ZFR2: variants seen among roughly 807,000 people sequenced by gnomAD.
ZFR2 encodes the protein zinc finger RNA-binding protein 2.
In ZFR2, 104 loss-of-function variants were observed where a neutral mutation model predicts 105.7. The ratio of observed to expected loss-of-function variants is 0.98; its 90% CI spans 0.84 to 1.16. The LOEUF is 1.16. Ranked by LOEUF, ZFR2 falls within the 50% of genes most tolerant of loss-of-function variation. ZFR2 has a pLI of 0.00. For missense variants in ZFR2, 1,425 were observed against 1,355.5 expected, an observed-to-expected ratio of 1.05 and a Z score of -0.80; for synonymous variants, 634 against 597.7, an observed-to-expected ratio of 1.06 and a Z score of -0.89.
chr19:3,829,483 TTG>T, intron 5 of ZFR2, among the ~76,000 whole-genome samples: 1 of 150,604 alleles, frequency 6.6e-6, no homozygotes, highest in African/African-American at 2.4e-5. Context: ...TGTGTGTGTT[TTG>T]TTGTTGTTGT....
intron 1 of ZFR2, among the ~76,000 whole-genome samples, chr19:3,850,317 G>C (rs971714324): frequency 1.3e-5 from 2 of 152,090 alleles, no homozygotes; most frequent in Admixed American, 6.6e-5. Context: ...GGGTGCTGAG[G>C]GACAGAGGTT....
intron 16 of ZFR2, among the ~76,000 whole-genome samples, chr19:3,809,930 G>A (rs887560899): frequency 6.6e-6 from 1 of 152,192 alleles, no homozygotes; most frequent in Non-Finnish European, 1.5e-5. Flanking sequence ...GGCAACAAGA[G>A]CGAGACTCCA....
chr19:3,808,411 G>A (rs1268278680), intron 17 of ZFR2, among the ~76,000 whole-genome samples: 1 of 152,252 alleles, frequency 6.6e-6, no homozygotes, highest in Non-Finnish European at 1.5e-5. Context: ...CCTCTCACAT[G>A]TGTGTCCTGG....
At chr19:3,859,585 G>A (rs12610005) in intron 1 of ZFR2, among the ~76,000 whole-genome samples, 22,667 of 152,244 alleles carry the variant, frequency 0.15, 2,058 homozygotes, top group East Asian at 0.27. Flanking sequence ...ACCTTGGCGC[G>A]GTGGGTCTGC....
chr19:3,849,391 C>T (rs1395820336), intron 1 of ZFR2, among the ~76,000 whole-genome samples: 1 of 152,184 alleles, frequency 6.6e-6, no homozygotes, highest in Admixed American at 6.5e-5. Context: ...TCAGACAGCC[C>T]ATGCAGCAGA....
chr19:3,830,008 T>C (rs1465744315), intron 5 of ZFR2, among the ~76,000 whole-genome samples: 3 of 152,100 alleles, frequency 2.0e-5, no homozygotes, highest in Non-Finnish European at 2.9e-5. Flanking sequence ...AAGGATTAAA[T>C]AACCCACACG....
At chr19:3,851,113 G>A (rs2038233545) in intron 1 of ZFR2, among the ~76,000 whole-genome samples, 1 of 152,102 alleles carries the variant, frequency 6.6e-6, no homozygotes, top group South Asian at 2.1e-4. Flanking sequence ...GGTATTGTTA[G>A]GGAAGCCCCA....
Position 3,813,726 on chromosome 19 carries a change from G to C in ZFR2, c.2242+94C>G, listed in dbSNP as rs2037795869. 6.5e-7 allele frequency: 1 copy of C among 1,543,848 alleles called. No homozygotes were observed. The highest frequency in any genetic ancestry group is 8.8e-7 in the Non-Finnish European group (1 of 1,137,432). On this transcript the variant is annotated intron_variant, in intron 14 of 18. Transcript: ENST00000262961. This position sits in a 1 kb window ranked among gnomAD's most constrained non-coding sequence, Gnocchi z 4.4. Reference sequence around the variant, plus strand: ...TGGCTGCTGTGGCATTTCCTGCTCAGGGCAGAGGCGGACGCTGCCCCAGGC... The same window carrying C: ...TGGCTGCTGTGGCATTTCCTGCTCACGGCAGAGGCGGACGCTGCCCCAGGC...
intron 6 of ZFR2, among the ~76,000 whole-genome samples, chr19:3,827,153 A>G (rs2037959328): frequency 2.6e-5 from 4 of 152,242 alleles, no homozygotes; most frequent in Admixed American, 1.3e-4. Context: ...GAGGCATGAG[A>G]ATTGCTTGAA....
rs2037917914 is a variant in ZFR2, at chr19:3,823,538, G to T, written c.1214-135C>A. The T allele has an allele frequency of 1.1e-6, 1 of 918,876 alleles. No individual in the cohort carries two copies. The highest frequency in any genetic ancestry group is 1.6e-6 in the Non-Finnish European group (1 of 627,810). The allele number at this position is 918,876 out of a possible 1,614,324, so 56.9% of individuals were successfully genotyped here. Reference sequence around the variant, plus strand: ...ATCCCCCTCCCTCCTGTGATGTCAGGGGGAATGGCCCCGGACAGCAACCTC... The same window carrying T: ...ATCCCCCTCCCTCCTGTGATGTCAGTGGGAATGGCCCCGGACAGCAACCTC... On this transcript the variant is annotated intron_variant, in intron 7 of 18. Coordinates refer to ENST00000262961, the MANE Select transcript of ZFR2 (RefSeq NM_015174.2). This position sits in a 1 kb window ranked among gnomAD's most constrained non-coding sequence, Gnocchi z 5.4.
Position 3,831,739 on chromosome 19 carries a change from GC to G in ZFR2, c.518del (p.Gly173AlafsTer11). 1 of 1,605,444 alleles carries G rather than the reference GC, an allele frequency of 6.2e-7. No homozygotes were observed. Among genetic ancestry groups the G allele is most frequent in the African/African-American group, 1.3e-5 (1 of 74,910 alleles). The stretch of plus-strand genomic sequence containing the variant: ...TGGAAGCTGACGACTCGGGCTGGAC[GC>G]CTGTCGCCGTGGGGTAGGTGTATCC... ...SSGYTYPTAT[G>X]VQPESSASIV... On this transcript the variant is annotated frameshift_variant, in exon 4 of 19. Transcript: ENST00000262961. LOFTEE classifies it high-confidence loss of function.
chr19:3,855,986 C>T (rs2038295136), intron 1 of ZFR2, among the ~76,000 whole-genome samples: 1 of 152,240 alleles, frequency 6.6e-6, no homozygotes, highest in South Asian at 2.1e-4. Flanking sequence ...ACATGGGCTA[C>T]GTTGTGATGG....
chr19:3,818,445 A>G (rs1162057651), intron 12 of ZFR2, among the ~76,000 whole-genome samples: 1 of 152,180 alleles, frequency 6.6e-6, no homozygotes, highest in African/African-American at 2.4e-5. Context: ...CAGCCTGGGT[A>G]ACAGAGTGAG....
At chr19:3,822,722 G>T (rs1397699843) in intron 8 of ZFR2, among the ~76,000 whole-genome samples, 1 of 152,062 alleles carries the variant, frequency 6.6e-6, no homozygotes, top group African/African-American at 2.4e-5. Context: ...TCTCTTAAAA[G>T]AATCCCAGGC....
chr19:3,859,122 C>T (rs1055727498), intron 1 of ZFR2, among the ~76,000 whole-genome samples: 1 of 152,156 alleles, frequency 6.6e-6, no homozygotes, highest in African/African-American at 2.4e-5. Context: ...TAATCAGCTG[C>T]CAGCTCGGCC....
intron 1 of ZFR2, among the ~76,000 whole-genome samples, chr19:3,856,260 G>A (rs188666834): frequency 6.6e-6 from 1 of 152,156 alleles, no homozygotes; most frequent in Non-Finnish European, 1.5e-5. Context: ...CTTGGACTTG[G>A]ATATGATCAG....
intron 1 of ZFR2, among the ~76,000 whole-genome samples, chr19:3,851,592 G>GCT (rs1032276727): frequency 6.6e-6 from 1 of 152,230 alleles, no homozygotes; most frequent in Non-Finnish European, 1.5e-5. Flanking sequence ...CACTCTCAGG[G>GCT]GAGACCATGG....
rs941457646 is a variant in ZFR2, at chr19:3,858,893, AC to A, written c.53+10071del. Among the ~76,000 whole-genome samples the A allele has an allele frequency of 1.3e-5, 2 of 151,702 alleles. No homozygotes were observed. The highest frequency in any genetic ancestry group is 1.3e-4 in the Admixed American group (2 of 15,196). On this transcript the variant is annotated intron_variant, in intron 1 of 18. Transcript: ENST00000262961. This position sits in a 1 kb window ranked among gnomAD's most constrained non-coding sequence, Gnocchi z 4.3. ...ACAGCTCATCACCTATTTCTCTATC[AC>A]CCCCATGGCAGATGGAGATGAAGGC...
Position 3,869,005 on chromosome 19 carries a change from G to T in ZFR2, c.13C>A (p.Gln5Lys). 7.3e-7 allele frequency: 1 copy of T among 1,374,516 alleles called. No homozygotes were observed. The highest frequency in any genetic ancestry group is 9.5e-7 in the Non-Finnish European group (1 of 1,053,710). The allele number at this position is 1,374,516 out of a possible 1,614,324, so 85.1% of individuals were successfully genotyped here. MATS[Q>K]YFDFAQGGGP... ...CCGCCCTGCGCGAAGTCGAAATACTGACTCGTCGCCATCTTGGCGTCTTCC... is the reference window on the plus strand; with the variant it reads ...CCGCCCTGCGCGAAGTCGAAATACTTACTCGTCGCCATCTTGGCGTCTTCC... The change falls in exon 1 of 19, where the codon CAG (glutamine) becomes AAG (lysine). Residue 5 changes from glutamine (Q) to lysine (K), a missense_variant. Physicochemically the swap from Gln to Lys is moderately conservative, Grantham distance 53. Coordinates refer to ENST00000262961, the MANE Select transcript of ZFR2 (RefSeq NM_015174.2).
Sources: gnomAD v4.1 joint callset for allele counts (sites outside exome capture counted in the v4.1 genomes callset) on GRCh38, gnomAD v4.1.1 for gene constraint, Gnocchi (gnomAD v3.1) non-coding constraint, MANE v1.5 for transcripts, NCBI Gene and HGNC (gene_info 2026-07-23, HGNC 2026-07-21) for gene names.